ADGRB1: variants seen among roughly 807,000 people sequenced by gnomAD.
ADGRB1 encodes adhesion G protein-coupled receptor B1, also known as brain-specific angiogenesis inhibitor 1.
ADGRB1 carries 36 observed loss-of-function variants against 175.7 expected under a neutral mutation model. The observed-to-expected ratio is 0.20, with a 90% CI of 0.16 to 0.27. ADGRB1 has a LOEUF of 0.27. Ranked by LOEUF, ADGRB1 falls within the 10% of genes least tolerant of loss-of-function variation. The probability of loss-of-function intolerance (pLI) is 1.00; values close to 1 mark genes in which losing one functional copy is unlikely to be tolerated. For missense variants in ADGRB1, 1,731 were observed against 2,255.3 expected (o/e 0.77, Z 4.71); for synonymous variants, 1,054 against 979.4 (o/e 1.08, Z -1.42).
chr8:142,520,585 GGTACTGATTGTGATGGTGGTGATGGTT>G (rs1418426408), intron 19 of ADGRB1, among the ~76,000 whole-genome samples: 1 of 78,014 alleles, frequency 1.3e-5, no homozygotes, highest in Non-Finnish European at 3.0e-5. Context: ...TGGTGATGGT[GGTACTGATTGTGATGGTGGTGATGGTT>G]GTGTTGGTGA....
chr8:142,491,131 G>A (rs1476527048), intron 17 of ADGRB1, among the ~76,000 whole-genome samples: 1 of 152,234 alleles, frequency 6.6e-6, no homozygotes, highest in African/African-American at 2.4e-5. Context: ...CCCACAGCAG[G>A]TGGAATCCTG....
chr8:142,490,872 T>C, intron 17 of ADGRB1, 57 bp downstream of exon 17: 1 of 1,542,570 alleles, frequency 6.5e-7, no homozygotes, highest in South Asian at 1.2e-5. Flanking sequence ...CGTGGGAGGC[T>C]GGCCCAGTAG....
chr8:142,527,646 C>T (rs949483223), intron 24 of ADGRB1, among the ~76,000 whole-genome samples: 4 of 152,190 alleles, frequency 2.6e-5, no homozygotes, highest in African/African-American at 4.8e-5. Flanking sequence ...CCCTACCTGT[C>T]CCCGGAACAC....
chr8:142,526,030 T>C (rs1329770992), intron 23 of ADGRB1, among the ~76,000 whole-genome samples: 2 of 152,068 alleles, frequency 1.3e-5, no homozygotes, highest in Non-Finnish European at 2.9e-5. Context: ...CATGGGAGAC[T>C]TATGTTAGAG....
chr8:142,458,975 G>C (rs1371867778), intron 1 of ADGRB1, among the ~76,000 whole-genome samples: 1 of 152,212 alleles, frequency 6.6e-6, no homozygotes, highest in Non-Finnish European at 1.5e-5. Context: ...TGACAGTTTT[G>C]CCATTAAACT....
At chr8:142,526,500 G>A (rs1191776171) in intron 23 of ADGRB1, 42 bp from the exon 24 acceptor site, 1 of 1,408,022 alleles carries the variant, frequency 7.1e-7, no homozygotes, top group Admixed American at 2.0e-5. Flanking sequence ...TGAGCCTACG[G>A]CGGCCCCCAC....
intron 24 of ADGRB1, among the ~76,000 whole-genome samples, chr8:142,529,292 A>C (rs201722492): frequency 1.3e-5 from 2 of 151,958 alleles, no homozygotes; most frequent in African/African-American, 2.4e-5. Context: ...GTGAGTGTAC[A>C]TGAGTGTGCA....
At chr8:142,523,167 C>A (rs1843954545) in intron 22 of ADGRB1, among the ~76,000 whole-genome samples, 1 of 152,174 alleles carries the variant, frequency 6.6e-6, no homozygotes, top group African/African-American at 2.4e-5. Context: ...GTCACTGAGA[C>A]CCTGAAGGGT....
At chr8:142,479,084 G>C (rs1841182469) in intron 7 of ADGRB1, 1 of 431,960 alleles carries the variant, frequency 2.3e-6, no homozygotes, top group African/African-American at 2.1e-5. Context: ...AGGTGTGGAG[G>C]GTGGTGGGGT....
intron 17 of ADGRB1, among the ~76,000 whole-genome samples, chr8:142,496,125 G>A (rs1587343819): frequency 6.7e-6 from 1 of 150,076 alleles, no homozygotes; most frequent in East Asian, 2.0e-4. Context: ...TGGTAGATGG[G>A]TGGACGGGTG....
At chr8:142,521,841 A>T (rs1374764040) in intron 20 of ADGRB1, 124 bp from the exon 21 acceptor site, 3 of 1,123,444 alleles carry the variant, frequency 2.7e-6, no homozygotes, top group Non-Finnish European at 2.5e-6. Context: ...CTGCCTGGGG[A>T]CCTGGTTGGG....
rs1839399963 is a variant in ADGRB1 at position 142,452,340 on chromosome 8, C to G, written c.-220+2236C>G. Among the ~76,000 whole-genome samples the G allele has an allele frequency of 2.0e-5, 3 of 152,316 alleles. No individual in the cohort carries two copies. The South Asian group carries it at 6.2e-4, about 32-fold the overall frequency. On this transcript the variant is annotated intron_variant, in intron 1 of 30. Coordinates refer to ENST00000517894, the MANE Select transcript of ADGRB1 (RefSeq NM_001702.3). The stretch of plus-strand genomic sequence containing the variant: ...GAGCCTGGGGTTTGCCGCCTCCGAT[C>G]CCAGGGACGGGCGCTTGTTCCTGCC...
intron 27 of ADGRB1, among the ~76,000 whole-genome samples, chr8:142,541,486 A>G (rs1301776780): frequency 6.6e-6 from 1 of 152,146 alleles, no homozygotes; most frequent in Non-Finnish European, 1.5e-5. Flanking sequence ...ACTCAGCACC[A>G]CTGGGCTCCC....
In ADGRB1 at chr8:142,504,259, G is replaced by A. The variant is rs994669658; in HGVS notation, c.2676-6673G>A. On this transcript the variant is annotated intron_variant, in intron 17 of 30. Transcript: ENST00000517894. This position sits in a 1 kb window ranked among gnomAD's most constrained non-coding sequence, Gnocchi z 5.6. ...GAGTGGGAGTCAAGGAGGCTTCTTA[G>A]GGGAGGCAGTGGCTCCAGGAGCCCT... is the stretch of plus-strand genomic sequence containing the variant. Among the ~76,000 whole-genome samples the A allele has an allele frequency of 1.3e-5, 2 of 152,182 alleles. No homozygotes were observed. Among genetic ancestry groups the A allele is most frequent in the Non-Finnish European group, 2.9e-5 (2 of 68,016 alleles).
intron 19 of ADGRB1, among the ~76,000 whole-genome samples, chr8:142,519,156 G>A (rs1843620575): frequency 6.6e-6 from 1 of 152,148 alleles, no homozygotes; most frequent in Admixed American, 6.5e-5. Flanking sequence ...CCTAGGGCCT[G>A]GATTCCACAA....
At chr8:142,498,005 C>G (rs1257291129) in intron 17 of ADGRB1, among the ~76,000 whole-genome samples, 1 of 152,154 alleles carries the variant, frequency 6.6e-6, no homozygotes, top group Non-Finnish European at 1.5e-5. Flanking sequence ...GGACCCAGCT[C>G]TTCTGCCTGG....
In ADGRB1 at chr8:142,541,932, C is replaced by T; in HGVS notation, c.3707-9C>T. On this transcript the variant is annotated splice_polypyrimidine_tract_variant and intron_variant, in intron 27 of 30. Coordinates refer to ENST00000517894, the MANE Select transcript of ADGRB1 (RefSeq NM_001702.3). Reference sequence around the variant, plus strand: ...CCTGTCCCCGCTGTCTCCCCCGCGGCCCCTGCAGTGCTGAACAAGGACATC... The same window carrying T: ...CCTGTCCCCGCTGTCTCCCCCGCGGTCCCTGCAGTGCTGAACAAGGACATC... 1.9e-6 allele frequency: 3 copies of T among 1,539,438 alleles called. No individual in the cohort carries two copies. The highest frequency in any genetic ancestry group is 2.4e-5 in the East Asian group (1 of 40,912).
At chr8:142,514,432 T>A (rs531937284) in intron 18 of ADGRB1, among the ~76,000 whole-genome samples, 1 of 152,090 alleles carries the variant, frequency 6.6e-6, no homozygotes, top group Non-Finnish European at 1.5e-5. Context: ...CCGCTCTGAG[T>A]CACACCTGTG....
rs1156827063 is a variant in ADGRB1 at position 142,477,137 on chromosome 8, T to A, written c.1081T>A (p.Ser361Thr). ...AGGTGACCCAGCAGCCGAGGAGTGG[T>A]CCCCGTGGAGCGTGTGCTCCAGCAC... Reference protein sequence around the residue: ...QTGDPAAEEWSPWSVCSSTCG... With the variant: ...QTGDPAAEEWTPWSVCSSTCG... Residue 361 changes from serine to threonine, a missense_variant, in exon 5 of 31, where the codon TCC becomes ACC. Around this residue, in one of 8 missense-constraint regions of ADGRB1, gnomAD observed 178 missense variants for 227.8 expected, o/e 0.78. Coordinates refer to ENST00000517894, the MANE Select transcript of ADGRB1 (RefSeq NM_001702.3). 6.3e-7 allele frequency: 1 copy of A among 1,586,116 alleles called. No homozygotes were observed. The highest frequency in any genetic ancestry group is 2.2e-5 in the East Asian group (1 of 44,488).
Sources: gnomAD v4.1 joint callset for allele counts (sites outside exome capture counted in the v4.1 genomes callset) on GRCh38, gnomAD v4.1.1 for gene constraint, gnomAD v4.1.1 regional missense constraint, Gnocchi (gnomAD v3.1) non-coding constraint, MANE v1.5 for transcripts, NCBI Gene and HGNC (gene_info 2026-07-23, HGNC 2026-07-21) for gene names.